UNC13C: variants seen among roughly 807,000 people sequenced by gnomAD.
UNC13C encodes protein unc-13 homolog C.
UNC13C carries 174 observed loss-of-function variants against 245.4 expected under a neutral mutation model. The observed-to-expected ratio is 0.71, with a 90% CI of 0.63 to 0.80. The LOEUF (loss-of-function observed/expected upper bound fraction) is 0.80. UNC13C is among the 30% of genes least tolerant of loss of function. The probability of loss-of-function intolerance (pLI) is 0.00; values close to 1 mark genes in which losing one functional copy is unlikely to be tolerated. For synonymous variants in UNC13C, 992 were observed against 895.1 expected (o/e 1.11, Z -1.93); for missense variants, 2,829 against 2,602.9 (o/e 1.09, Z -1.89).
intron 19 of UNC13C, among the ~76,000 whole-genome samples, chr15:54,461,456 G>C (rs1190837624): frequency 6.6e-6 from 1 of 151,910 alleles, no homozygotes; most frequent in African/African-American, 2.4e-5. Context: ...GTTTCTTTTA[G>C]CTTAAATGTC....
chr15:53,844,489 C>T, the UNC13C span, among the ~76,000 whole-genome samples: 2 of 152,078 alleles, frequency 1.3e-5, no homozygotes, highest in Admixed American at 1.3e-4. Context: ...GAAGGTGGGT[C>T]AATGTGATAA....
chr15:54,396,994 C>T (rs1242285633), intron 18 of UNC13C, among the ~76,000 whole-genome samples: 1 of 151,098 alleles, frequency 6.6e-6, no homozygotes, highest in Non-Finnish European at 1.5e-5. Flanking sequence ...CTAGTGCCTT[C>T]TGAAGAGCAT....
chr15:54,384,155 C>T (rs545699378), intron 17 of UNC13C, among the ~76,000 whole-genome samples: 80 of 152,166 alleles, frequency 5.3e-4, no homozygotes, highest in African/African-American at 1.9e-3. Flanking sequence ...ATATAATACA[C>T]AATTCTAAAA....
At chr15:53,891,015 C>T in the UNC13C span, among the ~76,000 whole-genome samples, 2 of 152,094 alleles carry the variant, frequency 1.3e-5, no homozygotes. Context: ...CTACAAATTT[C>T]CCTCTACACA....
chr15:54,053,057 T>C (rs1595775361), intron 2 of UNC13C, among the ~76,000 whole-genome samples: 1 of 152,300 alleles, frequency 6.6e-6, no homozygotes, highest in East Asian at 1.9e-4. Flanking sequence ...ACAGTGGCAG[T>C]GGTGTGATCT....
In UNC13C at chr15:54,581,936, G is replaced by C. The variant is rs537050051; in HGVS notation, c.6106+13989G>C. ...TTTGAGGCTCAAGAATGTGGAGGCT[G>C]GTCTTAGTCAGTGGGAGACCTAGAA... On this transcript the variant is annotated intron_variant, in intron 30 of 32. Transcript: ENST00000260323. Among the ~76,000 whole-genome samples, 7 of 152,214 alleles carry C rather than the reference G, an allele frequency of 4.6e-5. No individual in the cohort carries two copies. The East Asian group carries it at 1.4e-3, about 29-fold the overall frequency.
At chr15:54,587,815 A>T (rs1445800047) in intron 30 of UNC13C, among the ~76,000 whole-genome samples, 1 of 152,206 alleles carries the variant, frequency 6.6e-6, no homozygotes, top group Non-Finnish European at 1.5e-5. Context: ...CAGTCAAATA[A>T]AAGGTAGACC....
chr15:54,300,021 A>G (rs1269846268), intron 12 of UNC13C, among the ~76,000 whole-genome samples, 189 bp from the exon 13 acceptor site: 1 of 152,222 alleles, frequency 6.6e-6, no homozygotes, highest in Non-Finnish European at 1.5e-5. Context: ...CCAGGCAGAA[A>G]TCAAAGCAGA....
the UNC13C span, among the ~76,000 whole-genome samples, chr15:53,966,811 T>G: frequency 6.6e-6 from 1 of 152,090 alleles, no homozygotes; most frequent in African/African-American, 2.4e-5. Flanking sequence ...TTTAAGTTTT[T>G]ACTATCTTAT....
intron 4 of UNC13C, among the ~76,000 whole-genome samples, chr15:54,182,285 AGAC>A (rs2033828583): frequency 6.6e-6 from 1 of 152,066 alleles, no homozygotes; most frequent in African/African-American, 2.4e-5. Context: ...GCATCTATTG[AGAC>A]GATCATATGA....
chr15:54,004,716 G>T (rs1434361355), intron 1 of UNC13C, among the ~76,000 whole-genome samples: 2 of 152,128 alleles, frequency 1.3e-5, no homozygotes, highest in East Asian at 3.9e-4. Context: ...CCGGAGCGAG[G>T]TATCTCATTG....
At chr15:54,351,425 G>T (rs373761597) in intron 17 of UNC13C, among the ~76,000 whole-genome samples, 1 of 152,196 alleles carries the variant, frequency 6.6e-6, no homozygotes, top group East Asian at 1.9e-4. Context: ...ACTGTGAAAA[G>T]AACTACAGTA....
chr15:54,288,776 A>G (rs1336194215), intron 10 of UNC13C, among the ~76,000 whole-genome samples: 1 of 152,130 alleles, frequency 6.6e-6, no homozygotes, highest in African/African-American at 2.4e-5. Context: ...CTAGGCTTCC[A>G]GGAGACGGGC....
intron 1 of UNC13C, among the ~76,000 whole-genome samples, chr15:54,000,311 A>G (rs187793247): frequency 1.3e-5 from 2 of 152,086 alleles, no homozygotes; most frequent in Non-Finnish European, 2.9e-5. Flanking sequence ...CAAGTCAAGT[A>G]ACCTCTCCAA....
intron 1 of UNC13C, among the ~76,000 whole-genome samples, 24 bp downstream of exon 1, chr15:53,978,951 G>A (rs1241637701): frequency 6.6e-6 from 1 of 152,074 alleles, no homozygotes; most frequent in Non-Finnish European, 1.5e-5. Flanking sequence ...TCCGTTGCAC[G>A]CACTGCTTCA....
chr15:53,858,605 G>A, the UNC13C span, among the ~76,000 whole-genome samples: 3 of 151,806 alleles, frequency 2.0e-5, no homozygotes, highest in Non-Finnish European at 4.4e-5. Flanking sequence ...GTTTTTCATA[G>A]AGACGGGGTT....
chr15:54,567,808 T>A lies in UNC13C; in HGVS notation c.5967T>A (p.Phe1989Leu). Residue 1989 changes from phenylalanine (F) to leucine (L), a missense_variant, in exon 30 of 33, where the codon TTT becomes TTA. Physicochemically the swap from Phe to Leu is conservative, Grantham distance 22 (BLOSUM62 0). Transcript: ENST00000260323. ...TTTTTTTTTCTTTGTAGCAATACTT[T>A]CATGCAGGAGGAAATGGCCTGAAAA... Reference protein sequence around the residue: ...EVVLATIKQYFHAGGNGLKKN... With the variant: ...EVVLATIKQYLHAGGNGLKKN... 2 of 1,597,238 alleles carry A rather than the reference T, an allele frequency of 1.3e-6. No homozygotes were observed. Among genetic ancestry groups the A allele is most frequent in the East Asian group, 2.2e-5 (1 of 44,572 alleles).
At chr15:54,444,295 A>C (rs1890685889) in intron 19 of UNC13C, among the ~76,000 whole-genome samples, 2 of 151,114 alleles carry the variant, frequency 1.3e-5, no homozygotes. Flanking sequence ...ATATATACAC[A>C]AATATATGTC....
intron 14 of UNC13C, among the ~76,000 whole-genome samples, chr15:54,325,554 T>TC (rs1454970593): frequency 1.3e-5 from 2 of 151,850 alleles, no homozygotes; most frequent in Admixed American, 6.6e-5. Context: ...ATGCTATCCC[T>TC]CCCCCAGCCC....
Sources: gnomAD v4.1 joint callset for allele counts (sites outside exome capture counted in the v4.1 genomes callset) on GRCh38, gnomAD v4.1.1 for gene constraint, MANE v1.5 for transcripts, NCBI Gene and HGNC (gene_info 2026-07-23, HGNC 2026-07-21) for gene names.